The following VPS50 variants were observed in gnomAD, a reference collection of about 807,000 sequenced individuals.
The protein encoded by VPS50 is VPS50 subunit of EARP/GARPII complex.
A neutral mutation model predicts 139.7 loss-of-function variants in VPS50; 70 were observed. The observed-to-expected ratio is 0.50, with a 90% CI of 0.41 to 0.61. The LOEUF is 0.61. Among genes scored for constraint, VPS50 ranks in the 20% least tolerant of loss-of-function variants. The pLI is 0.00. For synonymous variants in VPS50, 365 were observed against 376.7 expected (o/e 0.97, Z 0.36); for missense variants, 921 against 1,133.7 (o/e 0.81, Z 2.69).
chr7:93,253,936 G>GT lies in VPS50; in HGVS notation c.297+6dup. The GT allele has an allele frequency of 6.6e-7, 1 of 1,523,420 alleles. No homozygotes were observed. Among genetic ancestry groups the GT allele is most frequent in the Non-Finnish European group, 9.0e-7 (1 of 1,110,524 alleles). 94.4% of individuals were successfully genotyped at this position (1,523,420 alleles called of 1,614,324 possible). A position where few individuals can be genotyped will look rare whatever the true frequency, so the allele number is the denominator to read the frequency against. Reference sequence around the variant, plus strand: ...TTGAAACAACAGCAAGCTGCAGTAAGTAAAAAAAAAACACATTTCTTTCTG... The same window carrying GT: ...TTGAAACAACAGCAAGCTGCAGTAAGTTAAAAAAAAAACACATTTCTTTCTG... On this transcript the variant is annotated splice_donor_region_variant and intron_variant, in intron 4 of 27. Coordinates refer to ENST00000305866, the MANE Select transcript of VPS50 (RefSeq NM_017667.4).
rs1796459336 is a variant in VPS50, at chr7:93,285,548, T to C, written c.943-6155T>C. On this transcript the variant is annotated intron_variant, in intron 12 of 27. Transcript: ENST00000305866. ...TCTTTTATTGTGTGCTTCAAACTTATAAAGGCTGCTTATATTAATTTCTGG... is the reference window on the plus strand; with the variant it reads ...TCTTTTATTGTGTGCTTCAAACTTACAAAGGCTGCTTATATTAATTTCTGG... 2.0e-5 allele frequency among the ~76,000 whole-genome samples: 3 copies of C among 152,218 alleles called. No individual in the cohort carries two copies. In the South Asian group the frequency reaches 6.2e-4, roughly 31 times the overall value.
At position 93,350,040 on chromosome 7, in the gene VPS50, G is replaced by A. The variant is rs148939966; in HGVS notation, c.2463+7G>A. 4.6e-4 allele frequency: 744 copies of A among 1,605,172 alleles called. No individual in the cohort carries two copies. Among genetic ancestry groups the A allele is most frequent in the Non-Finnish European group, 5.9e-4 (696 of 1,174,024 alleles). ...TGTAGATGCACTATTAAAGGCAAGT[G>A]TTCTGGGAAGCACCTGTGCTAAAGA... is the stretch of plus-strand genomic sequence containing the variant. On this transcript the variant is annotated splice_region_variant and intron_variant, in intron 25 of 27. Transcript: ENST00000305866.
At chr7:93,256,465 AGTTT>A (rs1389034996) in intron 4 of VPS50, 40 bp from the exon 5 acceptor site, 6 of 885,746 alleles carry the variant, frequency 6.8e-6, no homozygotes, top group Non-Finnish European at 1.0e-5. Context: ...GAAAGCATGA[AGTTT>A]GTTCTTTTAT....
intron 21 of VPS50, among the ~76,000 whole-genome samples, chr7:93,326,847 T>G (rs2117030304): frequency 6.6e-6 from 1 of 152,288 alleles, no homozygotes; most frequent in African/African-American, 2.4e-5. Flanking sequence ...ATTTATATCC[T>G]TGCTGTGATC....
chr7:93,357,549 A>G (rs1420667191), intron 27 of VPS50, among the ~76,000 whole-genome samples: 2 of 152,166 alleles, frequency 1.3e-5, no homozygotes, highest in Admixed American at 1.3e-4. Flanking sequence ...AGTTTTTAAA[A>G]TCAATTCTTT....
chr7:93,349,058 T>G, intron 24 of VPS50, among the ~76,000 whole-genome samples: 1 of 152,028 alleles, frequency 6.6e-6, no homozygotes, highest in Non-Finnish European at 1.5e-5. Flanking sequence ...ATAAGTACTG[T>G]GGTAAGGGGA....
chr7:93,279,689 A>G (rs1796265236), intron 12 of VPS50, among the ~76,000 whole-genome samples: 1 of 152,250 alleles, frequency 6.6e-6, no homozygotes, highest in Non-Finnish European at 1.5e-5. Flanking sequence ...GTTGACTGAC[A>G]TGAAATGAGA....
chr7:93,291,738 A>C lies in VPS50; in HGVS notation c.978A>C (p.Ala326=), dbSNP rs188742733. 1.3e-4 allele frequency: 215 copies of C among 1,592,724 alleles called. No homozygotes were observed. The highest frequency in any genetic ancestry group is 1.7e-4 in the Non-Finnish European group (199 of 1,166,968). ...VTPDSYIPCL[A]DLCKALWEVM... ...CAGACAGCTATATTCCATGCCTTGC[A>C]GACCTGTGCAAAGCACTATGGGAAG... The change falls in exon 13 of 28, where the codon GCA becomes GCC. Residue 326 remains alanine (A), a synonymous_variant. Coordinates refer to ENST00000305866, the MANE Select transcript of VPS50 (RefSeq NM_017667.4).
intron 12 of VPS50, among the ~76,000 whole-genome samples, chr7:93,278,895 G>A (rs562265736): frequency 1.1e-4 from 17 of 151,938 alleles, no homozygotes; most frequent in Non-Finnish European, 2.5e-4. Flanking sequence ...ATAATAGCAG[G>A]CTCATATATT....
intron 21 of VPS50, among the ~76,000 whole-genome samples, chr7:93,326,987 T>C (rs893211012): frequency 6.6e-6 from 1 of 152,212 alleles, no homozygotes; most frequent in African/African-American, 2.4e-5. Flanking sequence ...ATTTATATAC[T>C]ATAAAGTATG....
chr7:93,303,665 A>C, intron 17 of VPS50, 115 bp downstream of exon 17: 1 of 480,476 alleles, frequency 2.1e-6, no homozygotes, highest in Non-Finnish European at 3.7e-6. Context: ...ATTAAGGAGC[A>C]GTTTCTTATC....
rs763560068 is a variant in VPS50, at chr7:93,334,218, A to C, written c.2058+21A>C. Reference sequence around the variant, plus strand: ...ATCTAGTAAGTAACGAATTGGAATAAATTCTTTTGGATTATATAAAATGGA... The same window carrying C: ...ATCTAGTAAGTAACGAATTGGAATACATTCTTTTGGATTATATAAAATGGA... On this transcript the variant is annotated intron_variant, in intron 22 of 27. Transcript: ENST00000305866. The C allele has an allele frequency of 2.3e-6, 3 of 1,281,112 alleles. No individual in the cohort carries two copies. In the South Asian group the frequency reaches 3.8e-5, roughly 16 times the overall value. The allele number at this position is 1,281,112 out of a possible 1,614,324, so 79.4% of individuals were successfully genotyped here.
intron 20 of VPS50, among the ~76,000 whole-genome samples, chr7:93,321,434 CAG>C (rs139663633): frequency 0.017 from 2,516 of 152,254 alleles, 76 homozygotes; most frequent in African/African-American, 0.058. Flanking sequence ...ACTGGAAAGA[CAG>C]AGTCCTCATT....
intron 19 of VPS50, among the ~76,000 whole-genome samples, 171 bp from the exon 20 acceptor site, chr7:93,310,995 T>A (rs960512751): frequency 3.9e-5 from 6 of 152,120 alleles, no homozygotes; most frequent in Admixed American, 6.6e-5. Context: ...GCTTACTTAT[T>A]TCCCTTATGG....
At chr7:93,272,888 T>C in intron 11 of VPS50, 155 bp downstream of exon 11, 1 of 505,612 alleles carries the variant, frequency 2.0e-6, no homozygotes, top group Non-Finnish European at 3.5e-6. Flanking sequence ...TGGTTGTTCT[T>C]GTAGACTCAG....
chr7:93,244,632 T>C (rs1302599903), intron 2 of VPS50, among the ~76,000 whole-genome samples: 1 of 151,914 alleles, frequency 6.6e-6, no homozygotes, highest in Non-Finnish European at 1.5e-5. Flanking sequence ...AAATAATTTT[T>C]TGAGCAGTTT....
At chr7:93,265,185 C>G (rs1225136326) in intron 9 of VPS50, among the ~76,000 whole-genome samples, 1 of 151,956 alleles carries the variant, frequency 6.6e-6, no homozygotes, top group Non-Finnish European at 1.5e-5. Context: ...TATATACAGA[C>G]ACATATACAC....
chr7:93,306,739 A>T (rs960912372), intron 18 of VPS50, among the ~76,000 whole-genome samples: 2 of 151,862 alleles, frequency 1.3e-5, no homozygotes, highest in Non-Finnish European at 1.5e-5. Context: ...GTTTCTTCTG[A>T]TCTTCATAAT....
intron 2 of VPS50, among the ~76,000 whole-genome samples, chr7:93,242,478 G>GAT (rs147627921): frequency 0.085 from 12,656 of 148,726 alleles, 621 homozygotes; most frequent in East Asian, 0.2. Context: ...TTAACTTGGT[G>GAT]ATATATATAT....
Sources: allele counts gnomAD v4.1 joint callset (sites outside exome capture counted in the v4.1 genomes callset), GRCh38; gene constraint gnomAD v4.1.1; transcripts MANE v1.5; gene names NCBI Gene and HGNC (gene_info 2026-07-23, HGNC 2026-07-21).